Variants in PTPN4 observed in about 807,000 individuals in gnomAD.
PTPN4 encodes the protein protein tyrosine phosphatase non-receptor type 4.
In PTPN4, 49 loss-of-function variants were observed where a neutral mutation model predicts 135.5. The ratio of observed to expected loss-of-function variants is 0.36; its 90% CI spans 0.29 to 0.46. PTPN4 has a LOEUF of 0.46. Ranked by LOEUF, PTPN4 falls within the 20% of genes least tolerant of loss-of-function variation. The pLI, the probability that PTPN4 is intolerant of heterozygous loss-of-function variation, is 1.00. For missense variants in PTPN4, 860 were observed against 1,101.0 expected (o/e 0.78, Z 3.10); for synonymous variants, 333 against 369.9 (o/e 0.90, Z 1.14).
intron 3 of PTPN4, among the ~76,000 whole-genome samples, chr2:119,872,298 T>C (rs1303063910): frequency 6.6e-6 from 1 of 152,178 alleles, no homozygotes; most frequent in Non-Finnish European, 1.5e-5. Flanking sequence ...AGTTTCTAAC[T>C]TAATTTCTAG....
Position 119,760,044 on chromosome 2 carries a change from AAG to A in PTPN4, c.-354_-353del. The A allele has an allele frequency of 2.6e-6, 1 of 382,266 alleles. No individual in the cohort carries two copies. The highest frequency in any genetic ancestry group is 4.6e-6 in the Non-Finnish European group (1 of 215,992). The allele number at this position is 382,266 out of a possible 1,614,324, so 23.7% of individuals were successfully genotyped here. On this transcript the variant is annotated 5_prime_UTR_variant, in exon 1 of 27. Coordinates refer to ENST00000263708, the MANE Select transcript of PTPN4 (RefSeq NM_002830.4). ...GGAATTGGGCCTGAGCGGGAGAGGA[AAG>A]AGACTTGGCTTTGGCCGCGGGGTCG...
intron 1 of PTPN4, among the ~76,000 whole-genome samples, chr2:119,783,497 A>G (rs1416871600): frequency 1.3e-5 from 2 of 152,206 alleles, no homozygotes; most frequent in Non-Finnish European, 2.9e-5. Context: ...AACCTTACAA[A>G]TAGTAATGTG....
chr2:119,805,699 T>C (rs2104945204), intron 1 of PTPN4, among the ~76,000 whole-genome samples: 2 of 152,366 alleles, frequency 1.3e-5, no homozygotes, highest in Middle Eastern at 6.8e-3. Context: ...TAGTATAGTT[T>C]GAAGTCAGAT....
chr2:119,856,005 T>C (rs1012620778), intron 2 of PTPN4, among the ~76,000 whole-genome samples: 7 of 152,062 alleles, frequency 4.6e-5, no homozygotes, highest in African/African-American at 1.7e-4. Flanking sequence ...GGGGTTTTAC[T>C]GTGTTAGCCA....
At chr2:119,827,277 A>T (rs918757635) in intron 2 of PTPN4, among the ~76,000 whole-genome samples, 1 of 152,228 alleles carries the variant, frequency 6.6e-6, no homozygotes, top group Admixed American at 6.5e-5. Context: ...GTTGGGGGGA[A>T]ATCTATTTGA....
chr2:119,858,047 C>G (rs1364442812), intron 2 of PTPN4, among the ~76,000 whole-genome samples: 1 of 152,182 alleles, frequency 6.6e-6, no homozygotes, highest in East Asian at 1.9e-4. Flanking sequence ...CTCTTTTACT[C>G]CTGCTCTTGC....
At chr2:119,889,651 C>T (rs1678212314) in intron 9 of PTPN4, among the ~76,000 whole-genome samples, 1 of 151,924 alleles carries the variant, frequency 6.6e-6, no homozygotes, top group Admixed American at 6.6e-5. Context: ...TATTTCTGTT[C>T]TATTAATTTT....
intron 7 of PTPN4, 149 bp downstream of exon 7, chr2:119,882,298 A>G (rs748718293): frequency 1.7e-5 from 17 of 1,020,008 alleles, no homozygotes; most frequent in Non-Finnish European, 8.7e-6. Context: ...CCAGTTAGTT[A>G]GCAATTACTA....
At chr2:119,905,729 C>T (rs888551369) in intron 10 of PTPN4, among the ~76,000 whole-genome samples, 1 of 152,064 alleles carries the variant, frequency 6.6e-6, no homozygotes, top group Non-Finnish European at 1.5e-5. Context: ...AAACAAGTCT[C>T]AAAAAAATTT....
intron 15 of PTPN4, among the ~76,000 whole-genome samples, chr2:119,939,493 G>A (rs917767613): frequency 6.6e-6 from 1 of 152,020 alleles, no homozygotes; most frequent in African/African-American, 2.4e-5. Flanking sequence ...TGGAAACAGG[G>A]TTGCATCATG....
chr2:119,848,611 T>C (rs1442398898), intron 2 of PTPN4, among the ~76,000 whole-genome samples: 1 of 151,684 alleles, frequency 6.6e-6, no homozygotes, highest in Non-Finnish European at 1.5e-5. Flanking sequence ...TTTTTATTTA[T>C]TTTTTTTGAG....
chr2:119,771,832 G>C lies in PTPN4; in HGVS notation c.-18+11448G>C, dbSNP rs191716000. ...ATGTTAGTTGTTATAAGTCCATTAT[G>C]CCTTGTCTGGACTCTTGTAGTAGTC... On this transcript the variant is annotated intron_variant, in intron 1 of 26. Transcript: ENST00000263708. Among the ~76,000 whole-genome samples, 58 of 152,258 alleles carry C rather than the reference G, an allele frequency of 3.8e-4. No individual in the cohort carries two copies. In the East Asian group the frequency reaches 6.9e-3, roughly 18 times the overall value.
intron 13 of PTPN4, among the ~76,000 whole-genome samples, chr2:119,928,067 C>T (rs908537000): frequency 2.0e-5 from 3 of 152,220 alleles, no homozygotes; most frequent in Non-Finnish European, 4.4e-5. Flanking sequence ...TTTTTCTATG[C>T]ATATACTCAT....
At chr2:119,927,257 A>G (rs985452092) in intron 13 of PTPN4, among the ~76,000 whole-genome samples, 1 of 151,270 alleles carries the variant, frequency 6.6e-6, no homozygotes, top group Non-Finnish European at 1.5e-5. Context: ...GGGATTACGC[A>G]TGCCACCACA....
intron 26 of PTPN4, among the ~76,000 whole-genome samples, chr2:119,976,112 C>T (rs1679613543): frequency 2.0e-5 from 3 of 151,520 alleles, no homozygotes; most frequent in African/African-American, 4.8e-5. Flanking sequence ...TCTCCTGCCT[C>T]AGCCTCCTGA....
At chr2:119,807,610 G>A (rs1033050709) in intron 1 of PTPN4, among the ~76,000 whole-genome samples, 11 of 152,138 alleles carry the variant, frequency 7.2e-5, no homozygotes, top group Non-Finnish European at 1.3e-4. Context: ...AAAAGTCCAG[G>A]ACCAGACGGA....
chr2:119,977,320 G>T lies in PTPN4; in HGVS notation c.*250G>T. ...ATAGTAAATAACTGAGTATGTTCAG[G>T]GTAATTTATGAAATTTTGTGGTGGT... On this transcript the variant is annotated 3_prime_UTR_variant, in exon 27 of 27. Coordinates refer to ENST00000263708, the MANE Select transcript of PTPN4 (RefSeq NM_002830.4). 2.2e-6 allele frequency: 1 copy of T among 461,382 alleles called. No individual in the cohort carries two copies. Among genetic ancestry groups the T allele is most frequent in the Non-Finnish European group, 3.1e-6 (1 of 324,866 alleles). 28.6% of individuals were successfully genotyped at this position (461,382 alleles called of 1,614,324 possible). A position where few individuals can be genotyped will look rare whatever the true frequency, so the allele number is the denominator to read the frequency against.
chr2:119,895,722 C>T (rs563744169), intron 9 of PTPN4, among the ~76,000 whole-genome samples: 5 of 152,236 alleles, frequency 3.3e-5, no homozygotes, highest in African/African-American at 9.6e-5. Flanking sequence ...GAGATCGAGA[C>T]CATCCTGGCT....
intron 2 of PTPN4, among the ~76,000 whole-genome samples, chr2:119,845,095 A>G (rs1677470021): frequency 6.7e-6 from 1 of 149,766 alleles, no homozygotes; most frequent in Non-Finnish European, 1.5e-5. Flanking sequence ...CACCAAAACC[A>G]GTCAGGCGTG....
Sources: allele counts gnomAD v4.1 joint callset (sites outside exome capture counted in the v4.1 genomes callset), GRCh38; gene constraint gnomAD v4.1.1; transcripts MANE v1.5; gene names NCBI Gene and HGNC (gene_info 2026-07-23, HGNC 2026-07-21).